The following ORC3 variants were observed in gnomAD, a reference collection of about 807,000 sequenced individuals.
ORC3 encodes homolog of latheo, Drosophila.
In ORC3, 78 loss-of-function variants were observed where a neutral mutation model predicts 100.7. The ratio of observed to expected loss-of-function variants is 0.77; its 90% CI spans 0.65 to 0.94. The LOEUF (loss-of-function observed/expected upper bound fraction) is 0.94. Among genes scored for constraint, ORC3 ranks in the 40% least tolerant of loss-of-function variants. The pLI is 0.00. For synonymous variants in ORC3, 295 were observed against 289.3 expected (o/e 1.02, Z -0.20); for missense variants, 789 against 823.9 (o/e 0.96, Z 0.52).
intron 11 of ORC3, among the ~76,000 whole-genome samples, chr6:87,634,021 AT>A (rs1489006018): frequency 1.3e-5 from 2 of 151,566 alleles, no homozygotes; most frequent in Non-Finnish European, 2.9e-5. Flanking sequence ...TGGGTTTTTT[AT>A]TTTTATACAA....
intron 16 of ORC3, among the ~76,000 whole-genome samples, chr6:87,659,808 G>C (rs1770044370): frequency 6.6e-6 from 1 of 151,964 alleles, no homozygotes; most frequent in African/African-American, 2.4e-5. Context: ...CTTGAACCCG[G>C]GAGGCAGAGG....
At chr6:87,650,061 CTT>C (rs565491984) in intron 13 of ORC3, among the ~76,000 whole-genome samples, 15 of 122,620 alleles carry the variant, frequency 1.2e-4, no homozygotes, top group Non-Finnish European at 1.5e-4. Flanking sequence ...TTTACACTCT[CTT>C]TTTTTTTTTT....
intron 16 of ORC3, 145 bp from the exon 17 acceptor site, chr6:87,662,858 C>A: frequency 2.6e-6 from 1 of 389,456 alleles, no homozygotes; most frequent in Non-Finnish European, 4.2e-6. Flanking sequence ...GTAAATGGTT[C>A]AGTCCTCTAC....
intron 11 of ORC3, among the ~76,000 whole-genome samples, chr6:87,632,524 A>G (rs1432496828): frequency 6.6e-6 from 1 of 152,170 alleles, no homozygotes; most frequent in Non-Finnish European, 1.5e-5. Flanking sequence ...ACCAGATGAT[A>G]TAGTCTGCCA....
At chr6:87,609,304 A>T in intron 7 of ORC3, 75 bp downstream of exon 7, 1 of 1,010,156 alleles carries the variant, frequency 9.9e-7, no homozygotes, top group Non-Finnish European at 1.4e-6. Context: ...TGAAAAGTAT[A>T]ATCTTCATTT....
chr6:87,655,130 A>G (rs1769573565), intron 14 of ORC3, among the ~76,000 whole-genome samples: 1 of 152,148 alleles, frequency 6.6e-6, no homozygotes, highest in African/African-American at 2.4e-5. Flanking sequence ...CATTTATTAC[A>G]TATTACAGTT....
At chr6:87,666,227 G>T (rs899787569) in intron 19 of ORC3, among the ~76,000 whole-genome samples, 13 of 152,094 alleles carry the variant, frequency 8.5e-5, no homozygotes, top group Non-Finnish European at 1.8e-4. Context: ...CGCCTCCTGG[G>T]TTCAAGCAAT....
rs1227244733 is a variant in ORC3, at chr6:87,634,901, G to T, written c.1242G>T (p.Leu414=). ...ATGTTTATCATATGAATTACTTCCT[G>T]GTTTTGAGATGTCTTCATAAGTTCA... ...NLHVYHMNYF[L]VLRCLHKFTS... Residue 414 remains leucine, a synonymous_variant, in exon 12 of 20, where the codon CTG becomes CTT. Coordinates refer to ENST00000392844, the MANE Select transcript of ORC3 (RefSeq NM_012381.4). The T allele has an allele frequency of 6.2e-7, 1 of 1,608,516 alleles. No homozygotes were observed. Among genetic ancestry groups the T allele is most frequent in the Non-Finnish European group, 8.5e-7 (1 of 1,175,238 alleles).
chr6:87,662,487 A>G (rs573509642), intron 16 of ORC3, among the ~76,000 whole-genome samples: 15 of 152,316 alleles, frequency 9.8e-5, no homozygotes, highest in Non-Finnish European at 2.2e-4. Context: ...TGTCATTTCC[A>G]TGAAAGATAT....
chr6:87,628,365 A>G (rs1780076546), intron 11 of ORC3, among the ~76,000 whole-genome samples: 1 of 152,212 alleles, frequency 6.6e-6, no homozygotes, highest in African/African-American at 2.4e-5. Context: ...TGACTAAACA[A>G]TGTACATTTG....
intron 2 of ORC3, among the ~76,000 whole-genome samples, chr6:87,599,859 G>A (rs893456450): frequency 6.6e-6 from 1 of 152,100 alleles, no homozygotes; most frequent in Non-Finnish European, 1.5e-5. Flanking sequence ...TGTAGTCCCA[G>A]CTACTCGGGA....
intron 13 of ORC3, among the ~76,000 whole-genome samples, chr6:87,644,815 C>CT (rs2128284400): frequency 6.6e-6 from 1 of 151,792 alleles, no homozygotes; most frequent in East Asian, 1.9e-4. Context: ...TGCCAGTGCA[C>CT]TCTAGGCTGG....
intron 11 of ORC3, among the ~76,000 whole-genome samples, chr6:87,624,483 AAAAAC>A (rs1324508053): frequency 3.3e-4 from 51 of 152,310 alleles, no homozygotes; most frequent in African/African-American, 1.1e-3. Context: ...TTCAAAGAAC[AAAAAC>A]AAAACAAAAC....
intron 16 of ORC3, among the ~76,000 whole-genome samples, chr6:87,659,661 C>T (rs999680507): frequency 1.3e-5 from 2 of 151,894 alleles, no homozygotes; most frequent in Non-Finnish European, 2.9e-5. Flanking sequence ...GTGGGCAGAT[C>T]ACTTGAGGAC....
chr6:87,667,097 G>A lies in ORC3; in HGVS notation c.2110G>A (p.Ala704Thr), dbSNP rs1770703718. Residue 704 changes from alanine (A) to threonine (T), a missense_variant, in exon 20 of 20, where the codon GCA becomes ACA. Transcript: ENST00000392844. ...TACCAAACAGAAGACTGACCATGTG[G>A]CAAGACTAACATGGGGAGGCTGCTA... ...KPTKQKTDHV[A>T]RLTWGGC is the part of the protein sequence containing the mutation. The A allele has an allele frequency of 6.2e-7, 1 of 1,607,710 alleles. No individual in the cohort carries two copies. The highest frequency in any genetic ancestry group is 8.5e-7 in the Non-Finnish European group (1 of 1,176,084).
chr6:87,607,430 C>CAA (rs879803646), intron 5 of ORC3, among the ~76,000 whole-genome samples: 1 of 134,106 alleles, frequency 7.5e-6, no homozygotes, highest in Non-Finnish European at 1.6e-5. Context: ...GACTCCATCT[C>CAA]AAAAAAAAAA....
intron 8 of ORC3, among the ~76,000 whole-genome samples, chr6:87,612,574 G>A (rs1034146562): frequency 2.0e-5 from 3 of 152,036 alleles, no homozygotes; most frequent in Admixed American, 1.3e-4. Context: ...TGTAGACTTT[G>A]TAGTAACAAT....
intron 8 of ORC3, among the ~76,000 whole-genome samples, chr6:87,615,008 G>T (rs546725295): frequency 1.3e-5 from 2 of 152,216 alleles, no homozygotes; most frequent in South Asian, 4.1e-4. Flanking sequence ...GTATTAGTCT[G>T]TTCTCACACC....
chr6:87,627,825 C>T (rs1473858462), intron 11 of ORC3, among the ~76,000 whole-genome samples: 1 of 152,150 alleles, frequency 6.6e-6, no homozygotes, highest in African/African-American at 2.4e-5. Flanking sequence ...AACCACACTT[C>T]AAGAACTACT....
Sources: allele counts gnomAD v4.1 joint callset (sites outside exome capture counted in the v4.1 genomes callset), GRCh38; gene constraint gnomAD v4.1.1; transcripts MANE v1.5; gene names NCBI Gene and HGNC (gene_info 2026-07-23, HGNC 2026-07-21).